The following KAZN variants were observed in gnomAD, a reference collection of about 807,000 sequenced individuals.
The protein encoded by KAZN is kazrin.
In KAZN, 40 loss-of-function variants were observed where a neutral mutation model predicts 87.4. The observed-to-expected ratio is 0.46, with a 90% CI of 0.36 to 0.60. The LOEUF is 0.60. KAZN is among the 20% of genes least tolerant of loss of function. The pLI is 0.00. For missense variants in KAZN, 898 were observed against 1,073.9 expected (o/e 0.84, Z 2.29); for synonymous variants, 466 against 458.3 (o/e 1.02, Z -0.22).
intron 7 of KAZN, among the ~76,000 whole-genome samples, chr1:15,065,080 G>A (rs141362463): frequency 0.055 from 6,916 of 124,878 alleles, 182 homozygotes; most frequent in South Asian, 0.075. Flanking sequence ...CGCCCAGGCT[G>A]CAGTGCAGTG....
chr1:15,070,224 C>T (rs1455265180), intron 8 of KAZN, among the ~76,000 whole-genome samples: 1 of 152,222 alleles, frequency 6.6e-6, no homozygotes, highest in Admixed American at 6.5e-5. Flanking sequence ...TTTCAAGGCC[C>T]CTTGCCCACC....
intron 1 of KAZN, among the ~76,000 whole-genome samples, chr1:14,814,547 GTC>G (rs1307330355): frequency 2.0e-5 from 3 of 152,218 alleles, no homozygotes; most frequent in Non-Finnish European, 4.4e-5. Context: ...CCTGCTGCCA[GTC>G]TCTGCCCCGT....
At chr1:13,918,984 G>A (rs1639961837) in intron 1 of KAZN, among the ~76,000 whole-genome samples, 1 of 152,044 alleles carries the variant, frequency 6.6e-6, no homozygotes, top group Non-Finnish European at 1.5e-5. Context: ...TAGATAGTGG[G>A]CCTTCTTAAT....
At chr1:14,454,821 A>G (rs568995441) in intron 2 of KAZN, among the ~76,000 whole-genome samples, 1 of 152,354 alleles carries the variant, frequency 6.6e-6, no homozygotes, top group East Asian at 1.9e-4. Flanking sequence ...CATTACCTCC[A>G]AGATCTTAGC....
At chr1:14,050,089 C>T (rs1210048144) in intron 1 of KAZN, among the ~76,000 whole-genome samples, 1 of 149,736 alleles carries the variant, frequency 6.7e-6, no homozygotes, top group Non-Finnish European at 1.5e-5. Flanking sequence ...TGCCTGTGTA[C>T]ATGTGTGCAT....
intron 1 of KAZN, among the ~76,000 whole-genome samples, chr1:14,839,689 C>G (rs1283383611): frequency 6.6e-6 from 1 of 152,134 alleles, no homozygotes; most frequent in East Asian, 1.9e-4. Flanking sequence ...CTTTCTTCTT[C>G]CTCAGCTAGA....
At chr1:14,776,774 G>GT (rs1645185679) in intron 1 of KAZN, among the ~76,000 whole-genome samples, 1 of 151,910 alleles carries the variant, frequency 6.6e-6, no homozygotes, top group African/African-American at 2.4e-5. Context: ...AATCTGCTTT[G>GT]TTTTGTTTTT....
intron 1 of KAZN, among the ~76,000 whole-genome samples, chr1:14,937,774 A>G (rs12410007): frequency 0.19 from 28,698 of 152,186 alleles, 3,045 homozygotes; most frequent in African/African-American, 0.26. Context: ...CAGTCTTCCC[A>G]GTGGGAGTCT....
At chr1:14,008,930 T>C (rs142581212) in intron 1 of KAZN, among the ~76,000 whole-genome samples, 2,320 of 152,242 alleles carry the variant, frequency 0.015, 62 homozygotes, top group African/African-American at 0.054. Flanking sequence ...TCTTGTAAAA[T>C]GGAAACTCTG....
At chr1:13,907,357 G>A (rs905148979) in intron 1 of KAZN, among the ~76,000 whole-genome samples, 2 of 152,182 alleles carry the variant, frequency 1.3e-5, no homozygotes, top group Admixed American at 6.5e-5. Context: ...AGGATGCTTG[G>A]CAGGGTGGGA....
At chr1:13,927,090 A>G (rs942245314) in intron 1 of KAZN, among the ~76,000 whole-genome samples, 1 of 152,196 alleles carries the variant, frequency 6.6e-6, no homozygotes, top group Non-Finnish European at 1.5e-5. Context: ...TTTCAGTTTC[A>G]TCAAGCAGGA....
At chr1:14,174,188 G>A (rs189750032) in intron 1 of KAZN, among the ~76,000 whole-genome samples, 117 of 152,314 alleles carry the variant, frequency 7.7e-4, no homozygotes, top group African/African-American at 2.6e-3. Flanking sequence ...CTGGCGAAAA[G>A]GTGGTGGTAG....
chr1:14,982,417 ATTTTTTTTT>A (rs71000353), intron 2 of KAZN, among the ~76,000 whole-genome samples: 4 of 64,828 alleles, frequency 6.2e-5, no homozygotes, highest in East Asian at 4.9e-4. Flanking sequence ...AGCACCTGAG[ATTTTTTTTT>A]TTTTTTTTTT....
intron 2 of KAZN, among the ~76,000 whole-genome samples, chr1:14,401,114 G>C (rs114672601): frequency 2.6e-5 from 4 of 152,088 alleles, no homozygotes; most frequent in Non-Finnish European, 5.9e-5. Flanking sequence ...ATAAGAAGGG[G>C]GCAGAAGAGG....
At chr1:14,239,436 A>G (rs115245076) in intron 2 of KAZN, among the ~76,000 whole-genome samples, 2,359 of 144,696 alleles carry the variant, frequency 0.016, 61 homozygotes, top group African/African-American at 0.057. Context: ...GCAGTAAATT[A>G]TACACATAAG....
chr1:14,451,934 TTTTG>T (rs1194726556), intron 2 of KAZN, among the ~76,000 whole-genome samples: 3 of 135,854 alleles, frequency 2.2e-5, no homozygotes, highest in African/African-American at 7.4e-5. Context: ...ATTAACTCTT[TTTTG>T]TTTTGTTTTG....
chr1:14,940,894 C>G (rs12031552), intron 1 of KAZN, among the ~76,000 whole-genome samples: 19,496 of 116,680 alleles, frequency 0.17, 1,567 homozygotes, highest in Admixed American at 0.24. Flanking sequence ...GTCATTCTAC[C>G]TTTCTTTTTT....
At chr1:14,403,551 TTCAACA>T (rs1197539621) in intron 2 of KAZN, among the ~76,000 whole-genome samples, 1 of 152,006 alleles carries the variant, frequency 6.6e-6, no homozygotes, top group Non-Finnish European at 1.5e-5. Context: ...ATAAAGAATT[TTCAACA>T]TCAATAAGAA....
At chr1:14,356,803 G>T (rs1659066973) in intron 2 of KAZN, among the ~76,000 whole-genome samples, 1 of 152,094 alleles carries the variant, frequency 6.6e-6, no homozygotes. Context: ...TTGGGTACTG[G>T]TACCATGCTG....
Sources: allele counts gnomAD v4.1 joint callset (sites outside exome capture counted in the v4.1 genomes callset), GRCh38; gene constraint gnomAD v4.1.1; transcripts MANE v1.5; gene names NCBI Gene and HGNC (gene_info 2026-07-23, HGNC 2026-07-21).